The following USP25 variants were observed in gnomAD, a reference collection of about 807,000 sequenced individuals.
USP25 encodes the protein ubiquitin carboxyl-terminal hydrolase 25.
In USP25, 85 loss-of-function variants were observed where a neutral mutation model predicts 158.5. The ratio of observed to expected loss-of-function variants is 0.54; its 90% CI spans 0.45 to 0.64. USP25 has a LOEUF of 0.64. Among genes scored for constraint, USP25 ranks in the 30% least tolerant of loss-of-function variants. The pLI, the probability that USP25 is intolerant of heterozygous loss-of-function variation, is 0.00. For synonymous variants in USP25, 464 were observed against 460.4 expected (o/e 1.01, Z -0.10); for missense variants, 1,242 against 1,327.3 (o/e 0.94, Z 1.00).
At chr21:15,733,469 A>C (rs1375312727) in intron 1 of USP25, among the ~76,000 whole-genome samples, 7 of 152,048 alleles carry the variant, frequency 4.6e-5, no homozygotes, top group Non-Finnish European at 1.0e-4. Flanking sequence ...ATGGTGGCTC[A>C]TGCTTTAATC....
At chr21:15,874,639 T>C in intron 24 of USP25, 113 bp downstream of exon 24, 1 of 1,107,226 alleles carries the variant, frequency 9.0e-7, no homozygotes, top group Non-Finnish European at 1.2e-6. Context: ...AAGAACATGA[T>C]GATGTCTATA....
At chr21:15,823,177 A>C (rs2037320883) in intron 10 of USP25, among the ~76,000 whole-genome samples, 1 of 152,106 alleles carries the variant, frequency 6.6e-6, no homozygotes. Flanking sequence ...TGCAGTTTAT[A>C]ATAAGCACTT....
intron 18 of USP25, among the ~76,000 whole-genome samples, chr21:15,846,148 ATATATATATAT>A (rs1601108814): frequency 1.6e-5 from 1 of 60,670 alleles, no homozygotes; most frequent in East Asian, 5.7e-4. Flanking sequence ...ATATATATAT[ATATATATATAT>A]TTTTTTTTTT....
At chr21:15,861,918 A>G (rs918196493) in intron 20 of USP25, among the ~76,000 whole-genome samples, 1 of 152,074 alleles carries the variant, frequency 6.6e-6, no homozygotes, top group Admixed American at 6.5e-5. Context: ...GACTTTGGCA[A>G]TTTGCTTGTG....
rs145254174 is a variant in USP25 at position 15,833,403 on chromosome 21, G to A, written c.2049G>A (p.Pro683=). The A allele has an allele frequency of 1.4e-4, 227 of 1,613,810 alleles. No homozygotes were observed. Among genetic ancestry groups the A allele is most frequent in the Non-Finnish European group, 1.8e-4 (208 of 1,179,948 alleles). The change falls in exon 17 of 26, where the codon CCG becomes CCA. Residue 683 remains proline (P), a synonymous_variant. Transcript: ENST00000400183. ...TTGTTGGTATAGAAACATTACCACC[G>A]GATTTGAGAGATTTTGTTGAGGAAG... ...QPLVGIETLP[P]DLRDFVEEDN...
intron 4 of USP25, among the ~76,000 whole-genome samples, chr21:15,781,990 T>C (rs761222964): frequency 6.6e-6 from 1 of 152,166 alleles, no homozygotes; most frequent in African/African-American, 2.4e-5. Flanking sequence ...AGCCACCCTG[T>C]ATCCCAGAGG....
intron 14 of USP25, among the ~76,000 whole-genome samples, chr21:15,828,931 C>T (rs2037662725): frequency 6.6e-6 from 1 of 152,164 alleles, no homozygotes; most frequent in Admixed American, 6.5e-5. Flanking sequence ...GCCACCATGC[C>T]TGGCTGTTAA....
At chr21:15,730,553 G>A (rs1238154333) in intron 1 of USP25, 115 bp downstream of exon 1, 7 of 1,172,700 alleles carry the variant, frequency 6.0e-6, no homozygotes, top group Non-Finnish European at 6.4e-6. Context: ...CTTCCTCCCC[G>A]GTCACCCCCG....
chr21:15,781,989 G>T (rs1041847046), intron 4 of USP25, among the ~76,000 whole-genome samples: 2 of 152,202 alleles, frequency 1.3e-5, no homozygotes, highest in Non-Finnish European at 2.9e-5. Context: ...TAGCCACCCT[G>T]TATCCCAGAG....
At chr21:15,771,087 A>G (rs2034323977) in intron 3 of USP25, among the ~76,000 whole-genome samples, 1 of 152,220 alleles carries the variant, frequency 6.6e-6, no homozygotes, top group Admixed American at 6.5e-5. Flanking sequence ...TTTAACAAAT[A>G]TTTATTGTCT....
rs951569777 is a variant in USP25 at position 15,730,013 on chromosome 21, C to G, written c.-381C>G. ...GGCGGCCGCTCCCTCCGTCCCCTCT[C>G]TCCCTTCCCCAAAGCAGCCCGCGGA... On this transcript the variant is annotated 5_prime_UTR_variant, in exon 1 of 26. Transcript: ENST00000400183. 6.6e-6 allele frequency: 1 copy of G among 151,704 alleles called. No individual in the cohort carries two copies. Among genetic ancestry groups the G allele is most frequent in the South Asian group, 2.1e-4 (1 of 4,838 alleles). The allele number at this position is 151,704 out of a possible 1,614,324, so 9.4% of individuals were successfully genotyped here.
chr21:15,758,642 C>G (rs1337632939), intron 1 of USP25, among the ~76,000 whole-genome samples: 2 of 152,050 alleles, frequency 1.3e-5, no homozygotes, highest in Non-Finnish European at 2.9e-5. Context: ...AAAGACATAC[C>G]TGGGACTGGG....
intron 9 of USP25, among the ~76,000 whole-genome samples, chr21:15,815,391 C>T (rs2036886593): frequency 6.6e-6 from 1 of 152,202 alleles, no homozygotes; most frequent in South Asian, 2.1e-4. Flanking sequence ...AGGCCACTGT[C>T]CTCCAGACCC....
At chr21:15,796,576 A>T (rs1480930181) in intron 5 of USP25, among the ~76,000 whole-genome samples, 3 of 151,462 alleles carry the variant, frequency 2.0e-5, no homozygotes, top group African/African-American at 4.8e-5. Flanking sequence ...TTGGAATTCT[A>T]AATGGTTAGA....
intron 1 of USP25, among the ~76,000 whole-genome samples, chr21:15,743,623 G>A (rs1157985323): frequency 6.6e-6 from 1 of 152,182 alleles, no homozygotes; most frequent in African/African-American, 2.4e-5. Context: ...TTGGGAAAGA[G>A]TAGGCAAAAA....
chr21:15,771,924 C>T (rs2034382036), intron 3 of USP25, among the ~76,000 whole-genome samples: 1 of 151,914 alleles, frequency 6.6e-6, no homozygotes, highest in Non-Finnish European at 1.5e-5. Context: ...AAAAGTATTT[C>T]CTCTTGGTTT....
chr21:15,750,384 C>T (rs1031851159), intron 1 of USP25, among the ~76,000 whole-genome samples: 6 of 151,552 alleles, frequency 4.0e-5, no homozygotes, highest in South Asian at 4.2e-4. Flanking sequence ...TGCATGCCAC[C>T]GCGCCTGGCT....
Position 15,785,748 on chromosome 21 carries a change from A to G in USP25, c.393-5754A>G, listed in dbSNP as rs187979667. Reference sequence around the variant, plus strand: ...TAAACAGATTAACTGTGCAACTCAGAGAAACCTGAAAAGCAAGAACAAATT... The same window carrying G: ...TAAACAGATTAACTGTGCAACTCAGGGAAACCTGAAAAGCAAGAACAAATT... On this transcript the variant is annotated intron_variant, in intron 4 of 25. Transcript: ENST00000400183. Among the ~76,000 whole-genome samples, 1,409 of 152,310 alleles carry G rather than the reference A, an allele frequency of 9.3e-3. 14 individuals are homozygous for G. The highest frequency in any genetic ancestry group is 0.016 in the South Asian group (77 of 4,830).
chr21:15,818,964 G>A, intron 10 of USP25, 118 bp downstream of exon 10: 1 of 1,246,612 alleles, frequency 8.0e-7, no homozygotes, highest in Non-Finnish European at 1.1e-6. Flanking sequence ...TACTCAGAGA[G>A]TATGTTTGGA....
Sources: gnomAD v4.1 joint callset for allele counts (sites outside exome capture counted in the v4.1 genomes callset) on GRCh38, gnomAD v4.1.1 for gene constraint, MANE v1.5 for transcripts, NCBI Gene and HGNC (gene_info 2026-07-23, HGNC 2026-07-21) for gene names.